SNTB1: variants seen among roughly 807,000 people sequenced by gnomAD.
The protein encoded by SNTB1 is beta-1-syntrophin.
Under a neutral mutation model 48.9 loss-of-function variants are expected in SNTB1, and 36 were observed. The observed-to-expected ratio is 0.74, with a 90% CI of 0.56 to 0.97. SNTB1 has a LOEUF of 0.97. SNTB1 is among the 50% of genes least tolerant of loss of function. The pLI is 0.00. For synonymous variants in SNTB1, 299 were observed against 294.6 expected, an observed-to-expected ratio of 1.01 and a Z score of -0.15; for missense variants, 786 against 703.4, an observed-to-expected ratio of 1.12 and a Z score of -1.33.
chr8:120,793,363 C>G lies in SNTB1; in HGVS notation c.571+17910G>C, dbSNP rs77243772. On this transcript the variant is annotated intron_variant, in intron 1 of 6. Transcript: ENST00000517992. ...AGTGATGAAGAAATACTGTTATCGC[C>G]TTCAAAAGCAAGTTTTCTGAAACAT... is the stretch of plus-strand genomic sequence containing the variant. Among the ~76,000 whole-genome samples the G allele has an allele frequency of 1.6e-4, 25 of 152,200 alleles. 1 individual carries two copies. The East Asian group carries it at 4.8e-3, about 29-fold the overall frequency.
chr8:120,781,492 G>C (rs1819829264), intron 1 of SNTB1, among the ~76,000 whole-genome samples: 1 of 151,912 alleles, frequency 6.6e-6, no homozygotes, highest in African/African-American at 2.4e-5. Flanking sequence ...ATGTAATAAA[G>C]ATATTTGAAT....
intron 3 of SNTB1, 143 bp from the exon 4 acceptor site, chr8:120,575,368 G>T: frequency 3.4e-6 from 3 of 887,120 alleles, no homozygotes; most frequent in Non-Finnish European, 5.3e-6. Context: ...AAAGAACCTT[G>T]TCTTTATCCC....
intron 4 of SNTB1, among the ~76,000 whole-genome samples, chr8:120,557,960 C>T (rs900306765): frequency 6.6e-6 from 1 of 152,184 alleles, no homozygotes; most frequent in Non-Finnish European, 1.5e-5. Context: ...GTAGATCATA[C>T]TTGGAAACAC....
At chr8:120,806,896 T>A (rs987791518) in intron 1 of SNTB1, among the ~76,000 whole-genome samples, 1 of 152,164 alleles carries the variant, frequency 6.6e-6, no homozygotes, top group African/African-American at 2.4e-5. Flanking sequence ...TCACTGCCCC[T>A]CCCTTGCTCC....
intron 4 of SNTB1, among the ~76,000 whole-genome samples, chr8:120,553,515 T>C (rs1196184356): frequency 6.6e-6 from 1 of 152,222 alleles, no homozygotes; most frequent in Non-Finnish European, 1.5e-5. Flanking sequence ...GTGCATGTCC[T>C]CTGGATACAG....
chr8:120,729,170 T>A (rs1387329072), intron 1 of SNTB1, among the ~76,000 whole-genome samples: 1 of 152,064 alleles, frequency 6.6e-6, no homozygotes, highest in Non-Finnish European at 1.5e-5. Flanking sequence ...TTCAGAGGCG[T>A]GGTTTCTACA....
At chr8:120,771,917 T>C (rs1268719789) in intron 1 of SNTB1, among the ~76,000 whole-genome samples, 1 of 152,220 alleles carries the variant, frequency 6.6e-6, no homozygotes. Flanking sequence ...TTGCCCAGGC[T>C]GGAGTGCAGT....
intron 1 of SNTB1, among the ~76,000 whole-genome samples, chr8:120,749,974 A>T (rs1379260619): frequency 6.6e-6 from 1 of 152,230 alleles, no homozygotes; most frequent in African/African-American, 2.4e-5. Flanking sequence ...ATCACAGAAC[A>T]TGAACAGAAA....
At chr8:120,727,515 T>C (rs1818778545) in intron 1 of SNTB1, among the ~76,000 whole-genome samples, 1 of 152,184 alleles carries the variant, frequency 6.6e-6, no homozygotes, top group Admixed American at 6.5e-5. Context: ...TGTGATCACA[T>C]TGGCGCAGTG....
intron 1 of SNTB1, among the ~76,000 whole-genome samples, chr8:120,753,982 A>G (rs1265290145): frequency 6.6e-6 from 1 of 152,204 alleles, no homozygotes; most frequent in Non-Finnish European, 1.5e-5. Context: ...TGTCTCATCA[A>G]TCTAAATTTG....
At chr8:120,645,396 C>T (rs969876483) in intron 2 of SNTB1, among the ~76,000 whole-genome samples, 4 of 148,670 alleles carry the variant, frequency 2.7e-5, no homozygotes, top group South Asian at 2.1e-4. Context: ...AGCCAGTTTT[C>T]CCAGCACCAT....
At chr8:120,808,579 G>A (rs1820375898) in intron 1 of SNTB1, among the ~76,000 whole-genome samples, 1 of 152,174 alleles carries the variant, frequency 6.6e-6, no homozygotes, top group Non-Finnish European at 1.5e-5. Context: ...TTTGATATAC[G>A]CCTTTCATTC....
rs570160526 is a variant in SNTB1 at position 120,637,464 on chromosome 8, G to C, written c.789-4813C>G. ...ATATTAAAAGGCTTTGATTTTTTAG[G>C]TTTAAGTGGTTCAACCTCAAACATT... On this transcript the variant is annotated intron_variant, in intron 2 of 6. Transcript: ENST00000517992. 73 of 190,812 alleles carry C rather than the reference G, an allele frequency of 3.8e-4. 1 individual carries two copies. In the South Asian group the frequency reaches 6.2e-3, roughly 16 times the overall value. 11.8% of individuals were successfully genotyped at this position (190,812 alleles called of 1,614,324 possible). A position where few individuals can be genotyped will look rare whatever the true frequency, so the allele number is the denominator to read the frequency against.
At chr8:120,765,965 C>G (rs757036201) in intron 1 of SNTB1, 1 of 152,098 alleles carries the variant, frequency 6.6e-6, no homozygotes, top group Non-Finnish European at 1.5e-5. Context: ...AAACAAACCC[C>G]TAATTTGTAA....
intron 1 of SNTB1, among the ~76,000 whole-genome samples, chr8:120,767,360 C>A (rs888978681): frequency 6.6e-6 from 1 of 152,136 alleles, no homozygotes. Context: ...AACTTCTAAA[C>A]CCCCTCCCAC....
chr8:120,800,378 T>C (rs4327892), intron 1 of SNTB1, among the ~76,000 whole-genome samples: 21,487 of 152,088 alleles, frequency 0.14, 2,522 homozygotes, highest in African/African-American at 0.32. Flanking sequence ...GGATATCATA[T>C]TCAAATTATC....
In SNTB1 at chr8:120,682,885, T is replaced by G. The variant is rs575604823; in HGVS notation, c.788+10807A>C. ...TAGTTTTTTGTTTGTTTTTAGTTTT[T>G]TTTTTTTTTTTTTTGAGATGGGGAC... On this transcript the variant is annotated intron_variant, in intron 2 of 6. Coordinates refer to ENST00000517992, the MANE Select transcript of SNTB1 (RefSeq NM_021021.4). Among the ~76,000 whole-genome samples the G allele has an allele frequency of 5.4e-5, 8 of 149,042 alleles. No homozygotes were observed. The South Asian group carries it at 1.7e-3, about 32-fold the overall frequency.
intron 1 of SNTB1, among the ~76,000 whole-genome samples, chr8:120,752,563 T>C (rs1048633093): frequency 2.0e-5 from 3 of 152,026 alleles, no homozygotes; most frequent in African/African-American, 7.2e-5. Flanking sequence ...AATGGAAAAC[T>C]GGACAAGAAA....
intron 3 of SNTB1, 105 bp downstream of exon 3, chr8:120,632,339 T>G (rs1194469316): frequency 9.5e-7 from 1 of 1,049,242 alleles, no homozygotes; most frequent in African/African-American, 1.6e-5. Context: ...CCACACAGAC[T>G]GTGAATGAGA....
Sources: gnomAD v4.1 joint callset for allele counts (sites outside exome capture counted in the v4.1 genomes callset) on GRCh38, gnomAD v4.1.1 for gene constraint, MANE v1.5 for transcripts, NCBI Gene and HGNC (gene_info 2026-07-23, HGNC 2026-07-21) for gene names.